Variants in TMEM178B observed in about 807,000 individuals in gnomAD.
TMEM178B encodes transmembrane protein 178B.
A neutral mutation model predicts 31.0 loss-of-function variants in TMEM178B; 5 were observed. The ratio of observed to expected loss-of-function variants is 0.16; its 90% CI spans 0.08 to 0.34. The LOEUF (loss-of-function observed/expected upper bound fraction) is 0.34. Among genes scored for constraint, TMEM178B ranks in the 10% least tolerant of loss-of-function variants. The pLI is 1.00. For synonymous variants in TMEM178B, 164 were observed against 164.0 expected (o/e 1.00, Z 0.00); for missense variants, 275 against 400.3 (o/e 0.69, Z 2.67).
chr7:141,495,059 T>G, the TMEM178B span, among the ~76,000 whole-genome samples: 2 of 152,238 alleles, frequency 1.3e-5, no homozygotes, highest in South Asian at 2.1e-4. Context: ...AAAACCATGT[T>G]TTCCTCATAC....
chr7:141,380,778 A>G (rs1329380919), intron 2 of TMEM178B, among the ~76,000 whole-genome samples: 1 of 152,224 alleles, frequency 6.6e-6, no homozygotes, highest in African/African-American at 2.4e-5. Flanking sequence ...TCTCAGCTAT[A>G]GTAGTAGATC....
intron 2 of TMEM178B, among the ~76,000 whole-genome samples, chr7:141,435,747 A>C (rs1187678558): frequency 6.6e-6 from 1 of 152,236 alleles, no homozygotes; most frequent in African/African-American, 2.4e-5. Context: ...TAATATGAGC[A>C]GGGGGTGCAG....
chr7:141,367,552 CA>C (rs1184401662), intron 2 of TMEM178B, among the ~76,000 whole-genome samples: 1 of 152,134 alleles, frequency 6.6e-6, no homozygotes, highest in East Asian at 1.9e-4. Context: ...TGGCATAAGC[CA>C]CTGCGCCCAG....
chr7:141,294,989 G>T (rs1798606934), intron 2 of TMEM178B, among the ~76,000 whole-genome samples: 1 of 152,080 alleles, frequency 6.6e-6, no homozygotes, highest in Admixed American at 6.6e-5. Flanking sequence ...AGGTAATTTT[G>T]CTGTTTTAAT....
rs1174703741 is a variant in TMEM178B at position 141,472,177 on chromosome 7, C to T, written c.*1391C>T. ...ACATCTCCCCTTTCCCTAGGGGTGA[C>T]CTCTGTACAAACGAAAGGAAGTGGG... On this transcript the variant is annotated 3_prime_UTR_variant, in exon 4 of 4. Transcript: ENST00000565468. 1 of 152,138 alleles carries T rather than the reference C, an allele frequency of 6.6e-6. No homozygotes were observed. The highest frequency in any genetic ancestry group is 6.5e-5 in the Admixed American group (1 of 15,280). The allele number at this position is 152,138 out of a possible 1,614,324, so 9.4% of individuals were successfully genotyped here. A position where few individuals can be genotyped will look rare whatever the true frequency, so the allele number is the denominator to read the frequency against.
At chr7:141,391,267 G>C (rs1488063328) in intron 2 of TMEM178B, among the ~76,000 whole-genome samples, 1 of 152,124 alleles carries the variant, frequency 6.6e-6, no homozygotes, top group Non-Finnish European at 1.5e-5. Flanking sequence ...CCAGGCTCAA[G>C]TGATTCTCCT....
intron 2 of TMEM178B, among the ~76,000 whole-genome samples, chr7:141,240,905 T>A (rs749099154): frequency 1.8e-4 from 28 of 152,196 alleles, no homozygotes; most frequent in Admixed American, 5.2e-4. Context: ...GTTGCACTTC[T>A]GGACTTCCTG....
intron 2 of TMEM178B, among the ~76,000 whole-genome samples, chr7:141,268,259 G>A (rs1798125176): frequency 6.6e-6 from 1 of 152,186 alleles, no homozygotes; most frequent in Admixed American, 6.5e-5. Context: ...TAAAATTGAA[G>A]CAAGAACAAG....
intron 3 of TMEM178B, among the ~76,000 whole-genome samples, chr7:141,452,425 G>C (rs572494244): frequency 2.0e-5 from 3 of 152,078 alleles, no homozygotes; most frequent in African/African-American, 7.2e-5. Context: ...TCACTTCCTT[G>C]CAGATTGGTC....
At chr7:141,410,647 GC>G (rs1307386310) in intron 2 of TMEM178B, among the ~76,000 whole-genome samples, 1 of 151,796 alleles carries the variant, frequency 6.6e-6, no homozygotes, top group African/African-American at 2.4e-5. Context: ...AGAAATCGCA[GC>G]CTCAGAGGTG....
chr7:141,158,293 G>A lies in TMEM178B; in HGVS notation c.383-54298G>A, dbSNP rs768264675. Among the ~76,000 whole-genome samples the A allele has an allele frequency of 1.1e-4, 16 of 152,026 alleles. 1 individual carries two copies. Among genetic ancestry groups the A allele is most frequent in the Admixed American group, 5.9e-4 (9 of 15,248 alleles). On this transcript the variant is annotated intron_variant, in intron 1 of 3. Transcript: ENST00000565468. ...GTATTTTTAATAGAGACAGGGTTTC[G>A]TCATGTTGGTCAGGCTGCTCTCGAA...
intron 1 of TMEM178B, among the ~76,000 whole-genome samples, chr7:141,079,053 G>A (rs1257311623): frequency 6.6e-6 from 1 of 152,204 alleles, no homozygotes; most frequent in Non-Finnish European, 1.5e-5. Context: ...TTGGGAGGCC[G>A]AGGCAGGTGA....
At chr7:141,294,328 C>T (rs746895421) in intron 2 of TMEM178B, among the ~76,000 whole-genome samples, 6 of 152,180 alleles carry the variant, frequency 3.9e-5, no homozygotes, top group Admixed American at 6.5e-5. Context: ...GAAAAGAGAA[C>T]GCAGCCCTTC....
At chr7:141,338,486 C>T (rs1485981188) in intron 2 of TMEM178B, among the ~76,000 whole-genome samples, 2 of 152,130 alleles carry the variant, frequency 1.3e-5, no homozygotes, top group Admixed American at 1.3e-4. Context: ...ACGCCTGGAA[C>T]CCTAGAGTGC....
At chr7:141,372,269 C>T (rs1196753699) in intron 2 of TMEM178B, among the ~76,000 whole-genome samples, 2 of 152,200 alleles carry the variant, frequency 1.3e-5, no homozygotes, top group Non-Finnish European at 2.9e-5. Flanking sequence ...ATTCCCTTCT[C>T]TTGGTGACCT....
At chr7:141,225,285 C>T (rs1797323284) in intron 2 of TMEM178B, among the ~76,000 whole-genome samples, 1 of 152,172 alleles carries the variant, frequency 6.6e-6, no homozygotes, top group African/African-American at 2.4e-5. Flanking sequence ...TTCACCCCTC[C>T]CCCACCATAG....
At chr7:141,442,906 T>C (rs1301502814) in intron 3 of TMEM178B, among the ~76,000 whole-genome samples, 1 of 152,232 alleles carries the variant, frequency 6.6e-6, no homozygotes. Context: ...AACTGGATTT[T>C]CTGTGGAAAG....
intron 1 of TMEM178B, among the ~76,000 whole-genome samples, chr7:141,186,654 A>G (rs1563111286): frequency 6.6e-6 from 1 of 152,196 alleles, no homozygotes; most frequent in Non-Finnish European, 1.5e-5. Flanking sequence ...CTCGTTCAAC[A>G]TCTTGTGCTG....
At chr7:141,402,662 G>A (rs1325478560) in intron 2 of TMEM178B, among the ~76,000 whole-genome samples, 2 of 152,240 alleles carry the variant, frequency 1.3e-5, no homozygotes, top group Non-Finnish European at 2.9e-5. Context: ...CAGAGGTGAA[G>A]GGACCTTGAC....
Sources: allele counts gnomAD v4.1 joint callset (sites outside exome capture counted in the v4.1 genomes callset), GRCh38; gene constraint gnomAD v4.1.1; transcripts MANE v1.5; gene names NCBI Gene and HGNC (gene_info 2026-07-23, HGNC 2026-07-21).